The following NEBL variants were observed in gnomAD, a reference collection of about 807,000 sequenced individuals.
The protein encoded by NEBL is LIM and SH3 protein 2.
In NEBL, 122 loss-of-function variants were observed where a neutral mutation model predicts 140.2. The ratio of observed to expected loss-of-function variants is 0.87; its 90% confidence interval spans 0.75 to 1.01. The LOEUF is 1.01. NEBL is among the 50% of genes least tolerant of loss of function. The pLI is 0.00. For synonymous variants in NEBL, 436 were observed against 398.9 expected, an observed-to-expected ratio of 1.09 and a Z score of -1.11; for missense variants, 1,365 against 1,231.3, an observed-to-expected ratio of 1.11 and a Z score of -1.62.
intron 2 of NEBL, among the ~76,000 whole-genome samples, chr10:21,054,801 C>G (rs368380718): frequency 6.6e-6 from 1 of 152,130 alleles, no homozygotes. Context: ...TTGGCACTTA[C>G]TCGGAGGCAT....
intron 2 of NEBL, chr10:21,110,821 G>T: frequency 1.6e-6 from 1 of 606,442 alleles, no homozygotes; most frequent in Admixed American, 1.9e-5. Flanking sequence ...TGCAAAGGAT[G>T]AATTGCACAT....
intron 3 of NEBL, among the ~76,000 whole-genome samples, chr10:21,000,391 G>A (rs1200725560): frequency 1.3e-5 from 2 of 152,030 alleles, no homozygotes; most frequent in Non-Finnish European, 2.9e-5. Flanking sequence ...TGGTAGGGGG[G>A]ATTCTGGTCC....
chr10:21,199,232 T>C (rs1467783927), intron 3 of NEBL, among the ~76,000 whole-genome samples: 1 of 151,964 alleles, frequency 6.6e-6, no homozygotes, highest in African/African-American at 2.4e-5. Context: ...GGGGTCTCAC[T>C]ATGTTGCTAA....
intron 2 of NEBL, among the ~76,000 whole-genome samples, chr10:21,041,500 G>C (rs1267496407): frequency 6.6e-6 from 1 of 152,146 alleles, no homozygotes; most frequent in East Asian, 1.9e-4. Context: ...GTTTTGACCT[G>C]AGAGAGAAAT....
At chr10:21,083,672 C>T (rs567588298) in intron 2 of NEBL, among the ~76,000 whole-genome samples, 18 of 152,182 alleles carry the variant, frequency 1.2e-4, no homozygotes, top group Non-Finnish European at 4.4e-5. Context: ...TGGCAAAATC[C>T]CGTCTCTACT....
intron 2 of NEBL, among the ~76,000 whole-genome samples, chr10:21,147,199 C>G (rs1189278821): frequency 2.0e-5 from 3 of 152,084 alleles, no homozygotes; most frequent in Non-Finnish European, 2.9e-5. Flanking sequence ...AACCCCAACC[C>G]CACACACACT....
At chr10:21,114,828 C>CA (rs1564516166) in intron 2 of NEBL, among the ~76,000 whole-genome samples, 1 of 144,684 alleles carries the variant, frequency 6.9e-6, no homozygotes, top group Admixed American at 6.9e-5. Context: ...TTGGGTCCTG[C>CA]TTTTTTTTTT....
intron 1 of NEBL, among the ~76,000 whole-genome samples, chr10:21,284,749 G>A (rs1450642476): frequency 6.6e-6 from 1 of 152,134 alleles, no homozygotes; most frequent in African/African-American, 2.4e-5. Flanking sequence ...ACTCTCCCTT[G>A]CACAGCTTCC....
chr10:20,985,266 C>T (rs1176616586), intron 3 of NEBL, among the ~76,000 whole-genome samples: 2 of 152,160 alleles, frequency 1.3e-5, no homozygotes, highest in South Asian at 4.1e-4. Flanking sequence ...TGCCCCACAT[C>T]TGTAATGCCC....
At chr10:21,029,516 A>C in intron 2 of NEBL, 5 of 1,609,802 alleles carry the variant, frequency 3.1e-6, no homozygotes, top group Non-Finnish European at 4.2e-6. Flanking sequence ...GTTGCTGATC[A>C]AGCACAGGAT....
At chr10:21,224,475 C>G (rs974809512) in intron 3 of NEBL, among the ~76,000 whole-genome samples, 1 of 152,084 alleles carries the variant, frequency 6.6e-6, no homozygotes, top group Non-Finnish European at 1.5e-5. Context: ...TCTTTTTGCT[C>G]AGGATAGTTT....
intron 2 of NEBL, among the ~76,000 whole-genome samples, chr10:21,071,176 T>C (rs1156994772): frequency 6.7e-6 from 1 of 149,780 alleles, no homozygotes; most frequent in Non-Finnish European, 1.5e-5. Context: ...CTCTAAACAA[T>C]AAATAATAAT....
rs564149968 is a variant in NEBL, at chr10:20,840,439, A to G, written c.1338+300T>C. Among the ~76,000 whole-genome samples, 14 of 152,244 alleles carry G rather than the reference A, an allele frequency of 9.2e-5. No individual in the cohort carries two copies. The South Asian group carries it at 2.7e-3, about 29-fold the overall frequency. On this transcript the variant is annotated intron_variant, in intron 13 of 27. Coordinates refer to ENST00000377122, the MANE Select transcript of NEBL (RefSeq NM_006393.3). ...CCTGCAGTTACTGATGGACCATAATAACATACCTTCCCAATCATCTGCCTT... is the reference window on the plus strand; with the variant it reads ...CCTGCAGTTACTGATGGACCATAATGACATACCTTCCCAATCATCTGCCTT...
At chr10:20,992,987 G>T (rs2131691508) in intron 3 of NEBL, among the ~76,000 whole-genome samples, 1 of 151,590 alleles carries the variant, frequency 6.6e-6, no homozygotes, top group Non-Finnish European at 1.5e-5. Flanking sequence ...GTTTCACTGT[G>T]TTAGCCAGGA....
chr10:21,020,627 G>A (rs534983744), intron 2 of NEBL, among the ~76,000 whole-genome samples: 17 of 152,156 alleles, frequency 1.1e-4, no homozygotes, highest in African/African-American at 4.1e-4. Context: ...TCTGGCTTCC[G>A]TTTCTAGAAG....
rs149635643 is a variant in NEBL, at chr10:20,912,606, C to T, written c.357+49066G>A. 6.9e-4 allele frequency among the ~76,000 whole-genome samples: 105 copies of T among 152,130 alleles called. 2 individuals are homozygous for T. The East Asian group carries it at 0.019, about 27-fold the overall frequency. ...TCCAGTATAAGTCTTTATCTCTTGCCGGCCTCTAGGTCATTTTGCAGACCT... is the reference window on the plus strand; with the variant it reads ...TCCAGTATAAGTCTTTATCTCTTGCTGGCCTCTAGGTCATTTTGCAGACCT... On this transcript the variant is annotated intron_variant, in intron 4 of 6. Coordinates refer to the NEBL transcript ENST00000417816.
intron 4 of NEBL, among the ~76,000 whole-genome samples, chr10:20,881,586 T>C (rs921341799): frequency 1.3e-5 from 2 of 152,190 alleles, no homozygotes; most frequent in African/African-American, 4.8e-5. Flanking sequence ...GTTATCCCCT[T>C]GGTCTCCACT....
intron 4 of NEBL, among the ~76,000 whole-genome samples, chr10:20,957,958 TGG>T (rs997700188): frequency 6.6e-6 from 1 of 152,230 alleles, no homozygotes; most frequent in Non-Finnish European, 1.5e-5. Context: ...CTGATATTAG[TGG>T]GTAAACAGCC....
At chr10:20,859,889 C>A in intron 7 of NEBL, 63 bp from the exon 8 acceptor site, 1 of 782,634 alleles carries the variant, frequency 1.3e-6, no homozygotes, top group East Asian at 2.8e-5. Flanking sequence ...ATGATTTTCA[C>A]GTAGATAAAA....
Sources: allele counts gnomAD v4.1 joint callset (sites outside exome capture counted in the v4.1 genomes callset), GRCh38; gene constraint gnomAD v4.1.1; transcripts MANE v1.5; gene names NCBI Gene and HGNC (gene_info 2026-07-23, HGNC 2026-07-21).